The following CPXM2 variants were observed in gnomAD, a reference collection of about 807,000 sequenced individuals.
The protein encoded by CPXM2 is carboxypeptidase X, M14 family member 2.
Under a neutral mutation model 86.1 loss-of-function variants are expected in CPXM2, and 66 were observed. That is an observed-to-expected ratio of 0.77 (90% CI 0.63 to 0.94). The LOEUF is 0.94. Ranked by LOEUF, CPXM2 falls within the 40% of genes least tolerant of loss-of-function variation. The probability of loss-of-function intolerance (pLI) is 0.00; values close to 1 mark genes in which losing one functional copy is unlikely to be tolerated. For missense variants in CPXM2, 948 were observed against 1,026.3 expected, an observed-to-expected ratio of 0.92 and a Z score of 1.04; for synonymous variants, 388 against 400.2, an observed-to-expected ratio of 0.97 and a Z score of 0.36.
In CPXM2 at chr10:123,756,071, T is replaced by C. The variant is rs537778011; in HGVS notation, c.1917+1142A>G. ...GACAGAGTCAGATGCTAAATCCTGG[T>C]GCCAACCTCTGCCCCCTGTGCAGAA... On this transcript the variant is annotated intron_variant, in intron 12 of 13. Coordinates refer to ENST00000241305, the MANE Select transcript of CPXM2 (RefSeq NM_198148.3). 2.0e-5 allele frequency among the ~76,000 whole-genome samples: 3 copies of C among 152,296 alleles called. No individual in the cohort carries two copies. In the East Asian group the frequency reaches 5.8e-4, roughly 29 times the overall value.
At chr10:123,827,443 A>T (rs1848071411) in intron 4 of CPXM2, among the ~76,000 whole-genome samples, 1 of 152,230 alleles carries the variant, frequency 6.6e-6, no homozygotes, top group Non-Finnish European at 1.5e-5. Flanking sequence ...AGCAAACAAT[A>T]TCATTTACAA....
At chr10:123,780,686 A>C (rs1451811369) in intron 6 of CPXM2, among the ~76,000 whole-genome samples, 1 of 152,170 alleles carries the variant, frequency 6.6e-6, no homozygotes, top group Non-Finnish European at 1.5e-5. Context: ...ATACTTGGAG[A>C]CTTCTGGAAG....
At chr10:123,924,956 G>A (rs1945611587) in intron 2 of CPXM2, among the ~76,000 whole-genome samples, 1 of 152,088 alleles carries the variant, frequency 6.6e-6, no homozygotes, top group African/African-American at 2.4e-5. Context: ...AATTCCAAAG[G>A]TTTTAGGGGC....
intron 2 of CPXM2, among the ~76,000 whole-genome samples, chr10:123,903,149 C>T (rs1012655): frequency 0.17 from 25,155 of 152,206 alleles, 2,185 homozygotes; most frequent in Middle Eastern, 0.32. Flanking sequence ...CTTTCCCAGC[C>T]CTCATGACCT....
At position 123,761,953 on chromosome 10, in the gene CPXM2, G is replaced by A. The variant is rs780378275; in HGVS notation, c.1696C>T (p.Arg566Trp). The A allele has an allele frequency of 2.3e-5, 37 of 1,613,676 alleles. No individual in the cohort carries two copies. Among genetic ancestry groups the A allele is most frequent in the Admixed American group, 1.0e-4 (6 of 59,962 alleles). Residue 566 changes from arginine (R) to tryptophan (W), a missense_variant, in exon 11 of 14, where the codon CGG (arginine) becomes TGG (tryptophan). Transcript: ENST00000241305. ...ASTHRLMTDARRRVCHTEDFQ... is the reference protein window; with the variant it reads ...ASTHRLMTDAWRRVCHTEDFQ... Reference sequence around the variant, plus strand: ...TCCTCCGTGTGGCACACCCTCCTCCGGGCGTCTGTCATGAGGCGGTGTGTG... The same window carrying A: ...TCCTCCGTGTGGCACACCCTCCTCCAGGCGTCTGTCATGAGGCGGTGTGTG...
In CPXM2 at chr10:123,768,700, G is replaced by A. The variant is rs151184826; in HGVS notation, c.1125C>T (p.Ile375=). 1.3e-5 allele frequency: 21 copies of A among 1,610,402 alleles called. No homozygotes were observed. Among genetic ancestry groups the A allele is most frequent in the South Asian group, 2.2e-5 (2 of 91,072 alleles). ...GCACCTCATTGCCGTGGGCCCCCGCGATGTAGTGGAACTCGGGCTCACCTT... is the reference window on the plus strand; with the variant it reads ...GCACCTCATTGCCGTGGGCCCCCGCAATGTAGTGGAACTCGGGCTCACCTT... ...HEVGEPEFHY[I]AGAHGNEVLG... is the part of the protein sequence containing the mutation. Residue 375 remains isoleucine (I), a synonymous_variant, in exon 9 of 14, where the codon ATC becomes ATT. Transcript: ENST00000241305.
intron 3 of CPXM2, chr10:123,843,299 CT>C: frequency 6.6e-6 from 3 of 455,672 alleles, no homozygotes; most frequent in South Asian, 4.6e-5. Context: ...AGTTTTTGCT[CT>C]GGAATTTTCT....
At chr10:123,876,112 C>T (rs189026154) in intron 2 of CPXM2, among the ~76,000 whole-genome samples, 167 of 152,162 alleles carry the variant, frequency 1.1e-3, no homozygotes, top group Admixed American at 1.8e-3. Context: ...CTACTGCACC[C>T]GGCTGATCAT....
At chr10:123,774,103 A>T (rs7070746) in intron 7 of CPXM2, among the ~76,000 whole-genome samples, 1,587 of 152,256 alleles carry the variant, frequency 0.01, 29 homozygotes, top group African/African-American at 0.037. Flanking sequence ...TAAGGGCCAG[A>T]GGGTTCCAGG....
intron 2 of CPXM2, among the ~76,000 whole-genome samples, chr10:123,926,340 G>A (rs992119328): frequency 2.6e-5 from 4 of 152,206 alleles, no homozygotes; most frequent in African/African-American, 9.6e-5. Flanking sequence ...GGACTCCTCT[G>A]TGGCTTGGAT....
intron 6 of CPXM2, among the ~76,000 whole-genome samples, chr10:123,795,931 AC>A (rs1181723447): frequency 5.9e-5 from 9 of 152,088 alleles, no homozygotes; most frequent in Non-Finnish European, 1.2e-4. Context: ...ATGAGTTCCT[AC>A]CCGCAGAGAA....
At position 123,866,788 on chromosome 10, in the gene CPXM2, A is replaced by G. The variant is rs118135279; in HGVS notation, c.404-4065T>C. On this transcript the variant is annotated intron_variant, in intron 2 of 13. Coordinates refer to ENST00000241305, the MANE Select transcript of CPXM2 (RefSeq NM_198148.3). ...AGCTTGTCACCACTTCTTCCTCGGC[A>G]CTCTGTCCCCTCACTTTTGTGTGGC... Among the ~76,000 whole-genome samples the G allele has an allele frequency of 5.6e-3, 847 of 152,214 alleles. 31 individuals carry two copies. In the East Asian group the frequency reaches 0.11, roughly 19 times the overall value.
At chr10:123,894,496 G>A (rs1405595656), upstream of CPXM2, among the ~76,000 whole-genome samples, 2 of 152,168 alleles carry the variant, frequency 1.3e-5, no homozygotes, top group Non-Finnish European at 2.9e-5. Context: ...ACTGTTCCTG[G>A]AGCCTCCTTT....
intron 1 of CPXM2, among the ~76,000 whole-genome samples, chr10:123,882,588 T>C (rs540765453): frequency 1.3e-5 from 2 of 152,334 alleles, no homozygotes; most frequent in East Asian, 3.9e-4. Context: ...GCCAAAGTTC[T>C]GGAAAATAAT....
At chr10:123,857,614 AGATGGAAGGCGGCG>A (rs1564800581) in intron 3 of CPXM2, among the ~76,000 whole-genome samples, 2 of 141,126 alleles carry the variant, frequency 1.4e-5, no homozygotes, top group Non-Finnish European at 3.2e-5. Flanking sequence ...GGCGGCGTGG[AGATGGAAGGCGGCG>A]TGGAGATGGA....
At chr10:123,908,376 G>T (rs1473836797) in intron 2 of CPXM2, among the ~76,000 whole-genome samples, 1 of 152,176 alleles carries the variant, frequency 6.6e-6, no homozygotes, top group East Asian at 1.9e-4. Flanking sequence ...GCCAAATGCA[G>T]AAACCATCCT....
upstream of CPXM2, among the ~76,000 whole-genome samples, chr10:123,943,640 C>T (rs1394958639): frequency 6.6e-6 from 1 of 152,204 alleles, no homozygotes; most frequent in African/African-American, 2.4e-5. Flanking sequence ...GTCCTAAAAG[C>T]ATCACTGCTA....
Position 123,780,167 on chromosome 10 carries a change from C to T in CPXM2, c.978G>A (p.Gln326=), listed in dbSNP as rs779919295. ...TGAGGCTTTGTGATCTGGGTCTTAC[C>T]TGGCGCATTTCCTTATAATTGTGGT... ...FKHHNYKEMR[Q]LMKVVNEMCP... Residue 326 remains glutamine, a splice_region_variant and synonymous_variant, in exon 7 of 14, where the codon CAG becomes CAA. Transcript: ENST00000241305. 15 of 1,589,798 alleles carry T rather than the reference C, an allele frequency of 9.4e-6. No homozygotes were observed. The Admixed American group carries it at 2.0e-4, about 21-fold the overall frequency.
chr10:123,869,845 A>C (rs973847736), intron 2 of CPXM2, among the ~76,000 whole-genome samples: 3 of 152,208 alleles, frequency 2.0e-5, no homozygotes, highest in Non-Finnish European at 4.4e-5. Flanking sequence ...ACAAACTGCA[A>C]ATGTCCACTG....
Sources: allele counts gnomAD v4.1 joint callset (sites outside exome capture counted in the v4.1 genomes callset), GRCh38; gene constraint gnomAD v4.1.1; transcripts MANE v1.5; gene names NCBI Gene and HGNC (gene_info 2026-07-23, HGNC 2026-07-21).